DZIP3: variants seen among roughly 807,000 people sequenced by gnomAD.
DZIP3 encodes DAZ interacting zinc finger protein 3.
In DZIP3, 118 loss-of-function variants were observed where a neutral mutation model predicts 162.0. The ratio of observed to expected loss-of-function variants is 0.73; its 90% CI spans 0.63 to 0.85. The LOEUF is 0.85. Among genes scored for constraint, DZIP3 ranks in the 40% least tolerant of loss-of-function variants. The pLI, the probability that DZIP3 is intolerant of heterozygous loss-of-function variation, is 0.00. For synonymous variants in DZIP3, 438 were observed against 458.6 expected (o/e 0.96, Z 0.57); for missense variants, 1,331 against 1,407.0 (o/e 0.95, Z 0.86).
chr3:108,601,644 C>T (rs1383736398), intron 1 of DZIP3, among the ~76,000 whole-genome samples: 2 of 152,122 alleles, frequency 1.3e-5, no homozygotes, highest in Admixed American at 6.5e-5. Context: ...GAAATGTAAA[C>T]TTGTTGGCAT....
At chr3:108,666,571 C>T (rs972314683) in intron 21 of DZIP3, among the ~76,000 whole-genome samples, 2 of 152,094 alleles carry the variant, frequency 1.3e-5, no homozygotes, top group Non-Finnish European at 1.5e-5. Context: ...ACACCCCACC[C>T]GACAACAGTA....
chr3:108,656,049 G>A (rs1395694365), intron 19 of DZIP3, among the ~76,000 whole-genome samples: 1 of 152,336 alleles, frequency 6.6e-6, no homozygotes, highest in Non-Finnish European at 1.5e-5. Flanking sequence ...CTCTGCCTCT[G>A]TAGACTCCAC....
intron 18 of DZIP3, among the ~76,000 whole-genome samples, chr3:108,652,765 A>G (rs1942922205): frequency 6.6e-6 from 1 of 151,876 alleles, no homozygotes; most frequent in South Asian, 2.1e-4. Flanking sequence ...TTTTTACTGT[A>G]ATTTTTCTAT....
intron 28 of DZIP3, among the ~76,000 whole-genome samples, chr3:108,686,940 A>G (rs986073295): frequency 6.6e-6 from 1 of 152,126 alleles, no homozygotes; most frequent in Non-Finnish European, 1.5e-5. Context: ...TGTATGCTAT[A>G]TAAGCCCAAA....
chr3:108,598,471 C>T (rs1185280107), intron 1 of DZIP3, among the ~76,000 whole-genome samples: 1 of 152,152 alleles, frequency 6.6e-6, no homozygotes, highest in African/African-American at 2.4e-5. Flanking sequence ...TCAGTTAATA[C>T]TATATGAAAA....
In DZIP3 at chr3:108,607,445, A is replaced by G. The variant is rs920603002; in HGVS notation, c.33-644A>G. On this transcript the variant is annotated intron_variant, in intron 2 of 32. Transcript: ENST00000361582. ...CATAGAATAAATCACCTATGACCCT[A>G]TATTATGGTGCCTTTATTATGGTTC... Among the ~76,000 whole-genome samples the G allele has an allele frequency of 2.6e-5, 4 of 152,146 alleles. No individual in the cohort carries two copies. In the East Asian group the frequency reaches 7.7e-4, roughly 29 times the overall value.
chr3:108,605,645 T>C (rs574381433), intron 2 of DZIP3, among the ~76,000 whole-genome samples: 2 of 152,314 alleles, frequency 1.3e-5, no homozygotes, highest in South Asian at 4.1e-4. Flanking sequence ...TATGAGAATC[T>C]AATGCTGCTG....
In DZIP3 at chr3:108,611,218, C is replaced by A; in HGVS notation, c.147C>A (p.Asn49Lys). 1.2e-6 allele frequency: 2 copies of A among 1,609,958 alleles called. No homozygotes were observed. Among genetic ancestry groups the A allele is most frequent in the Non-Finnish European group, 1.7e-6 (2 of 1,178,892 alleles). Residue 49 changes from asparagine (N) to lysine (K), a missense_variant, in exon 4 of 33, where the codon AAC becomes AAA. By Grantham distance (94) the Asn-to-Lys change is moderately conservative. Around this residue, in one of 2 missense-constraint regions of DZIP3, gnomAD observed 1,278 missense variants for 1,317.1 expected, o/e 0.97. Coordinates refer to ENST00000361582, the MANE Select transcript of DZIP3 (RefSeq NM_014648.4). ...NDIPTDLVPV[N>K]LLLEVKKLLN... ...TACCTACTGATCTTGTCCCTGTTAACCTACTATTAGAAGTGAAGAAGTTAT... is the reference window on the plus strand; with the variant it reads ...TACCTACTGATCTTGTCCCTGTTAAACTACTATTAGAAGTGAAGAAGTTAT...
intron 1 of DZIP3, among the ~76,000 whole-genome samples, chr3:108,601,273 G>A (rs1428872558): frequency 6.6e-6 from 1 of 152,138 alleles, no homozygotes; most frequent in Non-Finnish European, 1.5e-5. Flanking sequence ...GGGTGTGGGT[G>A]TGTGTTGGTG....
rs1431834911 is a variant in DZIP3 at position 108,631,051 on chromosome 3, A to ACTCTCTCTCTCTCTCTCT, written c.696+1876_696+1877insTCTCTCTCTCTCTCTCTC. 4.8e-4 allele frequency among the ~76,000 whole-genome samples: 20 copies of ACTCTCTCTCTCTCTCTCT among 42,020 alleles called. 1 individual carries two copies. The highest frequency in any genetic ancestry group is 7.2e-4 in the Non-Finnish European group (17 of 23,554). 27.6% of individuals were successfully genotyped at this position (42,020 alleles called of 152,430 possible). A position where few individuals can be genotyped will look rare whatever the true frequency, so the allele number is the denominator to read the frequency against. The stretch of plus-strand genomic sequence containing the variant: ...CACACACACACACACACACACACAC[A>ACTCTCTCTCTCTCTCTCT]CACACTCTCTCTCTCTCTCTCTCTC... On this transcript the variant is annotated intron_variant, in intron 8 of 32. Coordinates refer to ENST00000361582, the MANE Select transcript of DZIP3 (RefSeq NM_014648.4).
Position 108,637,495 on chromosome 3 carries a change from G to T in DZIP3, c.1012-1G>T. 6.2e-7 allele frequency: 1 copy of T among 1,609,862 alleles called. No individual in the cohort carries two copies. The highest frequency in any genetic ancestry group is 8.5e-7 in the Non-Finnish European group (1 of 1,178,444). ...CTATTTTTTTTCCCCATTACTTGCA[G>T]TTTGAAGTTGTGAGAAAGGATGAAT... On this transcript the variant is annotated splice_acceptor_variant, in intron 11 of 32. Coordinates refer to ENST00000361582, the MANE Select transcript of DZIP3 (RefSeq NM_014648.4). LOFTEE classifies it high-confidence loss of function.
chr3:108,653,507 G>GTGTATATA lies in DZIP3; in HGVS notation c.2034-637_2034-636insGTATATAT, dbSNP rs1273159630. 4.2e-3 allele frequency among the ~76,000 whole-genome samples: 443 copies of GTGTATATA among 104,476 alleles called. 2 individuals carry two copies. The highest frequency in any genetic ancestry group is 5.8e-3 in the Non-Finnish European group (290 of 49,680). 68.5% of individuals were successfully genotyped at this position (104,476 alleles called of 152,430 possible). A position where few individuals can be genotyped will look rare whatever the true frequency, so the allele number is the denominator to read the frequency against. On this transcript the variant is annotated intron_variant, in intron 18 of 32. Transcript: ENST00000361582. The stretch of plus-strand genomic sequence containing the variant: ...TGGTTAATTGCCATTGTGTGTGTGT[G>GTGTATATA]TATATATATATATATATATATATAT...
intron 4 of DZIP3, 104 bp from the exon 5 acceptor site, chr3:108,616,437 T>C (rs1281369428): frequency 6.5e-6 from 5 of 763,976 alleles, no homozygotes; most frequent in East Asian, 5.6e-5. Flanking sequence ...TTTATCTCTA[T>C]TTTTAAAATT....
intron 12 of DZIP3, among the ~76,000 whole-genome samples, chr3:108,639,015 C>T (rs1003740660): frequency 1.3e-5 from 2 of 152,216 alleles, no homozygotes; most frequent in African/African-American, 2.4e-5. Context: ...AGAAACCTCC[C>T]AAGTTATCAC....
At chr3:108,659,071 G>C (rs916311275) in intron 19 of DZIP3, among the ~76,000 whole-genome samples, 7 of 152,154 alleles carry the variant, frequency 4.6e-5, no homozygotes, top group African/African-American at 1.7e-4. Context: ...GTACAAGGAG[G>C]AGCTGGTACC....
At chr3:108,638,152 ATC>A (rs1173948881) in intron 12 of DZIP3, among the ~76,000 whole-genome samples, 7 of 152,074 alleles carry the variant, frequency 4.6e-5, no homozygotes, top group African/African-American at 1.7e-4. Context: ...TCTAGCACAA[ATC>A]TCTCTCCTAA....
chr3:108,652,112 G>A (rs1942895017), intron 18 of DZIP3, among the ~76,000 whole-genome samples: 1 of 151,582 alleles, frequency 6.6e-6, no homozygotes, highest in African/African-American at 2.4e-5. Context: ...ATGAAACAAT[G>A]TCATCAATCA....
intron 19 of DZIP3, among the ~76,000 whole-genome samples, chr3:108,657,516 T>A (rs975992661): frequency 2.0e-5 from 3 of 152,302 alleles, no homozygotes; most frequent in Admixed American, 2.0e-4. Context: ...GAACAACCAG[T>A]ACCAGCAACT....
chr3:108,656,330 G>A (rs1048749254), intron 19 of DZIP3, among the ~76,000 whole-genome samples: 2 of 152,184 alleles, frequency 1.3e-5, no homozygotes, highest in East Asian at 3.9e-4. Context: ...AACATTTGCT[G>A]TTTACCAATA....
Sources: allele counts gnomAD v4.1 joint callset (sites outside exome capture counted in the v4.1 genomes callset), GRCh38; gene constraint gnomAD v4.1.1; regional missense constraint gnomAD v4.1.1; transcripts MANE v1.5; gene names NCBI Gene and HGNC (gene_info 2026-07-23, HGNC 2026-07-21).